The following NXF1 variants were observed in gnomAD, a reference collection of about 807,000 sequenced individuals.
The protein encoded by NXF1 is mRNA export factor TAP.
A neutral mutation model predicts 92.4 loss-of-function variants in NXF1; 43 were observed. The ratio of observed to expected loss-of-function variants is 0.47; its 90% CI spans 0.36 to 0.60. The LOEUF (loss-of-function observed/expected upper bound fraction) is 0.60. Among genes scored for constraint, NXF1 ranks in the 20% least tolerant of loss-of-function variants. The pLI, the probability that NXF1 is intolerant of heterozygous loss-of-function variation, is 0.00. For synonymous variants in NXF1, 288 were observed against 292.2 expected (o/e 0.99, Z 0.15); for missense variants, 576 against 793.0 (o/e 0.73, Z 3.29).
At chr11:62,797,503 C>T in intron 11 of NXF1, 117 bp from the exon 12 acceptor site, 1 of 866,078 alleles carries the variant, frequency 1.2e-6, no homozygotes. Context: ...AGTTTGAGAC[C>T]AGCCTGGCTG....
Position 62,794,455 on chromosome 11 carries a change from G to A in NXF1, c.1578-15C>T. The stretch of plus-strand genomic sequence containing the variant: ...CAATACATAGCCTTGAGGACAAAGA[G>A]CACTTAAAAAGCTAGACAGAGATAA... On this transcript the variant is annotated splice_polypyrimidine_tract_variant and intron_variant, in intron 18 of 20. Transcript: ENST00000294172. The A allele has an allele frequency of 6.3e-7, 1 of 1,599,922 alleles. No individual in the cohort carries two copies. Among genetic ancestry groups the A allele is most frequent in the East Asian group, 2.2e-5 (1 of 44,516 alleles).
intron 10 of NXF1, 139 bp from the exon 11 acceptor site, chr11:62,798,714 A>G (rs1275305298): frequency 1.3e-5 from 19 of 1,472,266 alleles, no homozygotes; most frequent in Non-Finnish European, 1.5e-5. Flanking sequence ...GCCTGTGCTC[A>G]GGGAAAAATG....
rs555919775 is a variant in NXF1 at position 62,803,575 on chromosome 11, G to A, written c.216-3C>T. ...TAGGTCGGGTGGTATAGGGGTTGCT[G>A]TGGGTAAGCAGAGAATAAAATGACC... On this transcript the variant is annotated splice_polypyrimidine_tract_variant and splice_region_variant and intron_variant, in intron 2 of 20. Coordinates refer to ENST00000294172, the MANE Select transcript of NXF1 (RefSeq NM_006362.5). The A allele has an allele frequency of 1.9e-5, 30 of 1,614,056 alleles. No homozygotes were observed. The Admixed American group carries it at 3.0e-4, about 16-fold the overall frequency.
intron 17 of NXF1, 128 bp from the exon 18 acceptor site, chr11:62,795,135 G>A: frequency 2.3e-6 from 2 of 864,544 alleles, no homozygotes; most frequent in Admixed American, 2.2e-5. Flanking sequence ...GTATATAAGG[G>A]TATAAGGGAA....
At position 62,798,563 on chromosome 11, in the gene NXF1, T is replaced by C; in HGVS notation, c.1029A>G (p.Glu343=). The C allele has an allele frequency of 6.2e-7, 1 of 1,614,070 alleles. No homozygotes were observed. The highest frequency in any genetic ancestry group is 8.5e-7 in the Non-Finnish European group (1 of 1,179,978). Residue 343 remains glutamate (E), a synonymous_variant, in exon 11 of 21, where the codon GAA becomes GAG. Transcript: ENST00000294172. ...CCAGGCGTAGTAACTTGGGAAATCG[T>C]TCGCGAATGGCGCTGTCAAGAACGG... ...DQSTYISAIR[E]RFPKLLRLDG...
intron 10 of NXF1, chr11:62,799,704 C>T: frequency 1.0e-6 from 1 of 986,228 alleles, no homozygotes; most frequent in Non-Finnish European, 1.2e-6. Context: ...ACGCCCAGCA[C>T]CTGCCTTGGG....
intron 2 of NXF1, 48 bp from the exon 3 acceptor site, chr11:62,803,620 T>C: frequency 6.2e-7 from 1 of 1,609,774 alleles, no homozygotes; most frequent in Non-Finnish European, 8.5e-7. Flanking sequence ...AGGAAAGTCT[T>C]CTCAAAGGCC....
chr11:62,798,503 G>C (rs1362454997), intron 11 of NXF1, 36 bp downstream of exon 11: 1 of 1,612,890 alleles, frequency 6.2e-7, no homozygotes, highest in Admixed American at 1.7e-5. Flanking sequence ...AGTGAGAGAT[G>C]CTGTGCTTGT....
chr11:62,796,556 A>C lies in NXF1; in HGVS notation c.1190T>G (p.Ile397Ser), dbSNP rs368133822. 3.7e-6 allele frequency: 6 copies of C among 1,610,978 alleles called. No individual in the cohort carries two copies. The highest frequency in any genetic ancestry group is 2.7e-5 in the African/African-American group (2 of 74,860). Residue 397 changes from isoleucine (I) to serine (S), a missense_variant, in exon 14 of 21, where the codon ATT becomes AGT. Ile to Ser is a moderately radical substitution (Grantham distance 142). Coordinates refer to ENST00000294172, the MANE Select transcript of NXF1 (RefSeq NM_006362.5). Reference sequence around the variant, plus strand: ...CCCTTGTCGGTCTCCAGAGTCGTAAATTGCATAGTACCTATGGGAAAAACA... The same window carrying C: ...CCCTTGTCGGTCTCCAGAGTCGTAACTTGCATAGTACCTATGGGAAAAACA... ...VLHFLQQYYA[I>S]YDSGDRQGLL...
rs1221481369 is a variant in NXF1, at chr11:62,801,695, G to C, written c.639+44C>G. The C allele has an allele frequency of 1.9e-6, 3 of 1,606,422 alleles. No individual in the cohort carries two copies. The Admixed American group carries it at 5.0e-5, about 27-fold the overall frequency. ...TGTGTGGGGGGTGGGGGTGTGAGAA[G>C]TAGTAAGACTGGGTTGGAAACATCT... On this transcript the variant is annotated intron_variant, in intron 6 of 20. Coordinates refer to ENST00000294172, the MANE Select transcript of NXF1 (RefSeq NM_006362.5).
Position 62,797,161 on chromosome 11 carries a change from G to T in NXF1, c.1178+22C>A, listed in dbSNP as rs748935529. 1.9e-6 allele frequency: 3 copies of T among 1,610,996 alleles called. No homozygotes were observed. In the Admixed American group the frequency reaches 5.0e-5, roughly 27 times the overall value. Reference sequence around the variant, plus strand: ...TTCCCCCTCAACCTCGGGGTGGGGAGGGGGGACCCTGGGATACTTACTGTT... The same window carrying T: ...TTCCCCCTCAACCTCGGGGTGGGGATGGGGGACCCTGGGATACTTACTGTT... On this transcript the variant is annotated intron_variant, in intron 13 of 20. Coordinates refer to ENST00000294172, the MANE Select transcript of NXF1 (RefSeq NM_006362.5).
At chr11:62,803,264 CGA>C (rs1162421916) in intron 3 of NXF1, among the ~76,000 whole-genome samples, 153 bp downstream of exon 3, 2 of 151,922 alleles carry the variant, frequency 1.3e-5, no homozygotes, top group African/African-American at 4.8e-5. Flanking sequence ...TGCAGTGAGC[CGA>C]GATCACGCCA....
chr11:62,804,990 C>A, intron 1 of NXF1: 1 of 257,040 alleles, frequency 3.9e-6, no homozygotes, highest in Non-Finnish European at 7.3e-6. Flanking sequence ...AATAGGGCAT[C>A]AGGGCAGCCC....
rs1336015153 is a variant in NXF1 at position 62,803,467 on chromosome 11, CCCT to C, written c.318_320del (p.Gly107del). Reference sequence around the variant, plus strand: ...AGGTCCCATCCTGGCTGGTGCCAGCCCCTCCTCTCTCTGGAGGAGCTCTGTCTC... The same window carrying C: ...AGGTCCCATCCTGGCTGGTGCCAGCCCCTCTCTCTGGAGGAGCTCTGTCTC... On this transcript the variant is annotated inframe_deletion, in exon 3 of 21. Coordinates refer to ENST00000294172, the MANE Select transcript of NXF1 (RefSeq NM_006362.5). 1 of 1,613,854 alleles carries C rather than the reference CCCT, an allele frequency of 6.2e-7. No homozygotes were observed. The highest frequency in any genetic ancestry group is 8.5e-7 in the Non-Finnish European group (1 of 1,179,966).
intron 10 of NXF1, chr11:62,799,177 GAA>G: frequency 1.0e-6 from 1 of 985,278 alleles, no homozygotes; most frequent in Non-Finnish European, 1.2e-6. Flanking sequence ...AGAAAGCAAA[GAA>G]AAAGAGAAAG....
chr11:62,803,640 T>G, intron 2 of NXF1, 68 bp from the exon 3 acceptor site: 1 of 1,588,696 alleles, frequency 6.3e-7, no homozygotes. Context: ...CTTCCTGCAC[T>G]GTTAGTGGGA....
intron 1 of NXF1, 47 bp from the exon 2 acceptor site, chr11:62,804,025 G>C (rs748168123): frequency 3.1e-6 from 5 of 1,602,368 alleles, no homozygotes; most frequent in Non-Finnish European, 4.2e-6. Context: ...TAACTGGTCC[G>C]GTTTGGTGTG....
intron 19 of NXF1, 71 bp downstream of exon 19, chr11:62,794,187 T>C: frequency 3.5e-6 from 5 of 1,441,884 alleles, no homozygotes; most frequent in African/African-American, 1.4e-5. Context: ...AAAAAAACTG[T>C]CAGGAGCCCT....
Position 62,800,263 on chromosome 11 carries a change from G to A in NXF1, c.1016+114C>T. 3.2e-6 allele frequency: 5 copies of A among 1,539,556 alleles called. No homozygotes were observed. The South Asian group carries it at 4.8e-5, about 15-fold the overall frequency. On this transcript the variant is annotated intron_variant, in intron 10 of 20. Transcript: ENST00000294172. ...AGCACGCGATCCTCTCAAAGGACAG[G>A]TGGTTCCAGCTCAGGGCTGCACATC...
Sources: gnomAD v4.1 joint callset for allele counts (sites outside exome capture counted in the v4.1 genomes callset) on GRCh38, gnomAD v4.1.1 for gene constraint, MANE v1.5 for transcripts, NCBI Gene and HGNC (gene_info 2026-07-23, HGNC 2026-07-21) for gene names.